The following FAM117B variants were observed in gnomAD, a reference collection of about 807,000 sequenced individuals.
FAM117B encodes the protein family with sequence similarity 117 member B, also known as protein FAM117B.
A neutral mutation model predicts 52.8 loss-of-function variants in FAM117B; 22 were observed. The ratio of observed to expected loss-of-function variants is 0.42; its 90% CI spans 0.30 to 0.59. The LOEUF (loss-of-function observed/expected upper bound fraction) is 0.59. Among genes scored for constraint, FAM117B ranks in the 20% least tolerant of loss-of-function variants. FAM117B has a pLI of 0.22. For missense variants in FAM117B, 678 were observed against 802.6 expected (o/e 0.84, Z 1.88); for synonymous variants, 309 against 324.1 (o/e 0.95, Z 0.50).
At chr2:202,715,855 G>A (rs528060954) in intron 2 of FAM117B, among the ~76,000 whole-genome samples, 17 of 152,106 alleles carry the variant, frequency 1.1e-4, no homozygotes, top group African/African-American at 2.7e-4. Flanking sequence ...CGAGGCTGGC[G>A]GATCACTTGC....
intron 1 of FAM117B, among the ~76,000 whole-genome samples, chr2:202,684,390 G>A (rs1690506417): frequency 6.6e-6 from 1 of 152,096 alleles, no homozygotes; most frequent in Non-Finnish European, 1.5e-5. Flanking sequence ...TTGCTTTTTT[G>A]TGGTCATTTG....
At chr2:202,724,786 G>A (rs1290606983) in intron 2 of FAM117B, 131 bp from the exon 3 acceptor site, 1 of 524,014 alleles carries the variant, frequency 1.9e-6, no homozygotes, top group Non-Finnish European at 3.1e-6. Flanking sequence ...AGAATTTTGA[G>A]TAATTTGTGT....
At chr2:202,663,810 C>T (rs368646449) in intron 1 of FAM117B, among the ~76,000 whole-genome samples, 4 of 152,140 alleles carry the variant, frequency 2.6e-5, no homozygotes, top group African/African-American at 9.7e-5. Flanking sequence ...TCTCAAACTC[C>T]TGACCTCTGG....
intron 1 of FAM117B, among the ~76,000 whole-genome samples, chr2:202,645,464 T>TA (rs1327748575): frequency 2.0e-5 from 3 of 150,612 alleles, no homozygotes; most frequent in Non-Finnish European, 4.4e-5. Context: ...TAATTTTTTG[T>TA]ATTTTTAGTA....
chr2:202,757,321 A>G lies in FAM117B; in HGVS notation c.1213A>G (p.Asn405Asp). 6.2e-7 allele frequency: 1 copy of G among 1,614,156 alleles called. No individual in the cohort carries two copies. Among genetic ancestry groups the G allele is most frequent in the Admixed American group, 1.7e-5 (1 of 60,018 alleles). ...QTPGGADRGSNNSSRSQSVSP... is the reference protein window; with the variant it reads ...QTPGGADRGSDNSSRSQSVSP... ...GCCTGGTGGGGCAGACAGGGGAAGC[A>G]ACAACAGCAGCCGTTCCCAGTCCGT... The change falls in exon 6 of 8, where the codon AAC becomes GAC. Residue 405 changes from asparagine to aspartate, a missense_variant. This residue lies in a region of FAM117B where 583 missense variants were observed against 644.8 expected (regional missense o/e 0.90). Transcript: ENST00000392238.
chr2:202,688,743 T>C (rs1432105262), intron 1 of FAM117B, among the ~76,000 whole-genome samples: 2 of 152,200 alleles, frequency 1.3e-5, no homozygotes, highest in African/African-American at 4.8e-5. Context: ...CAAGAATGGG[T>C]ACCCTTGTGA....
intron 1 of FAM117B, among the ~76,000 whole-genome samples, chr2:202,659,244 G>A (rs1188492400): frequency 6.6e-6 from 1 of 152,024 alleles, no homozygotes; most frequent in Non-Finnish European, 1.5e-5. Context: ...GATCTCAGGT[G>A]ATCCACCTGT....
At chr2:202,752,885 A>G (rs1691747479) in intron 4 of FAM117B, among the ~76,000 whole-genome samples, 1 of 152,196 alleles carries the variant, frequency 6.6e-6, no homozygotes, top group African/African-American at 2.4e-5. Context: ...CTCTACATAG[A>G]TTTTGGAAGT....
chr2:202,672,230 TGAGAAG>T (rs1360836869), intron 1 of FAM117B, among the ~76,000 whole-genome samples: 1 of 152,254 alleles, frequency 6.6e-6, no homozygotes, highest in African/African-American at 2.4e-5. Context: ...CTTTTTGTTT[TGAGAAG>T]GAGTCTTGCT....
chr2:202,662,717 G>A (rs1279698778), intron 1 of FAM117B, among the ~76,000 whole-genome samples: 1 of 152,006 alleles, frequency 6.6e-6, no homozygotes, highest in African/African-American at 2.4e-5. Context: ...GGTGGTGCAC[G>A]CCTGTAGTCC....
chr2:202,669,476 T>G (rs1690258034), intron 1 of FAM117B, among the ~76,000 whole-genome samples: 1 of 152,076 alleles, frequency 6.6e-6, no homozygotes, highest in Non-Finnish European at 1.5e-5. Flanking sequence ...GAGGATAAAG[T>G]TTGCTTATTT....
intron 1 of FAM117B, among the ~76,000 whole-genome samples, chr2:202,644,197 A>G (rs905563891): frequency 6.6e-6 from 1 of 151,436 alleles, no homozygotes; most frequent in Non-Finnish European, 1.5e-5. Context: ...TGGTTAAATC[A>G]GTATTAATGT....
chr2:202,642,550 T>G (rs1689787891), intron 1 of FAM117B, among the ~76,000 whole-genome samples: 1 of 151,960 alleles, frequency 6.6e-6, no homozygotes, highest in African/African-American at 2.4e-5. Context: ...TGGTTCTAAT[T>G]GATAACAGTG....
At chr2:202,658,912 T>C (rs1196177714) in intron 1 of FAM117B, among the ~76,000 whole-genome samples, 11 of 152,136 alleles carry the variant, frequency 7.2e-5, no homozygotes, top group Admixed American at 7.2e-4. Context: ...TGTCAAATAT[T>C]TTTTTTCTGC....
intron 2 of FAM117B, among the ~76,000 whole-genome samples, chr2:202,720,948 A>G (rs1691143178): frequency 6.6e-6 from 1 of 152,240 alleles, no homozygotes; most frequent in African/African-American, 2.4e-5. Flanking sequence ...GCCCAAGCAC[A>G]CAACCACATA....
intron 4 of FAM117B, among the ~76,000 whole-genome samples, chr2:202,749,298 G>A (rs1368637137): frequency 1.3e-5 from 2 of 152,090 alleles, no homozygotes; most frequent in African/African-American, 4.8e-5. Flanking sequence ...GTATGGTTCT[G>A]TAATAGTGAA....
At chr2:202,712,866 A>G (rs548607206) in intron 2 of FAM117B, among the ~76,000 whole-genome samples, 1 of 152,238 alleles carries the variant, frequency 6.6e-6, no homozygotes, top group Non-Finnish European at 1.5e-5. Context: ...TTGTTGAACC[A>G]TCCTTGCATC....
intron 1 of FAM117B, among the ~76,000 whole-genome samples, chr2:202,645,385 G>A (rs1217516295): frequency 6.6e-6 from 1 of 150,412 alleles, no homozygotes; most frequent in Non-Finnish European, 1.5e-5. Flanking sequence ...GCCCCCCGGG[G>A]TTCACGCCAT....
intron 1 of FAM117B, among the ~76,000 whole-genome samples, chr2:202,691,674 T>C (rs951835150): frequency 6.7e-6 from 1 of 150,008 alleles, no homozygotes; most frequent in African/African-American, 2.5e-5. Context: ...TGTGTGTGTG[T>C]GTGTGTGTGT....
Sources: gnomAD v4.1 joint callset for allele counts (sites outside exome capture counted in the v4.1 genomes callset) on GRCh38, gnomAD v4.1.1 for gene constraint, gnomAD v4.1.1 regional missense constraint, MANE v1.5 for transcripts, NCBI Gene and HGNC (gene_info 2026-07-23, HGNC 2026-07-21) for gene names.